PTPN9: variants seen among roughly 807,000 people sequenced by gnomAD.
The protein encoded by PTPN9 is tyrosine-protein phosphatase non-receptor type 9.
In PTPN9, 26 loss-of-function variants were observed where a neutral mutation model predicts 69.8. The observed-to-expected ratio is 0.37, with a 90% CI of 0.27 to 0.52. PTPN9 has a LOEUF of 0.52. Among genes scored for constraint, PTPN9 ranks in the 20% least tolerant of loss-of-function variants. PTPN9 has a pLI of 0.91. For synonymous variants in PTPN9, 274 were observed against 272.5 expected, an observed-to-expected ratio of 1.01 and a Z score of -0.05; for missense variants, 549 against 740.3, an observed-to-expected ratio of 0.74 and a Z score of 3.00.
chr15:75,559,821 A>G (rs551633768), intron 1 of PTPN9, among the ~76,000 whole-genome samples: 1 of 151,802 alleles, frequency 6.6e-6, no homozygotes, highest in East Asian at 1.9e-4. Context: ...TGAAGAAAAG[A>G]AAAAAATGAA....
chr15:75,557,858 A>T (rs2075084129), intron 1 of PTPN9, among the ~76,000 whole-genome samples: 1 of 152,198 alleles, frequency 6.6e-6, no homozygotes, highest in Non-Finnish European at 1.5e-5. Context: ...TTTCTTGAAA[A>T]ATCACCTCCA....
chr15:75,563,610 C>T (rs1441504533), intron 1 of PTPN9, among the ~76,000 whole-genome samples: 1 of 152,068 alleles, frequency 6.6e-6, no homozygotes, highest in Non-Finnish European at 1.5e-5. Flanking sequence ...TGTATATGTA[C>T]CACATTTTCT....
rs1183523821 is a variant in PTPN9, at chr15:75,504,678, G to A, written c.968+997C>T. Reference sequence around the variant, plus strand: ...CCCCGCCCGGCCAGCCGCCCTGTCCGGGAGGGAGGTGGGGGGGTCAGCCCC... The same window carrying A: ...CCCCGCCCGGCCAGCCGCCCTGTCCAGGAGGGAGGTGGGGGGGTCAGCCCC... On this transcript the variant is annotated intron_variant, in intron 7 of 12. Transcript: ENST00000618819. Among the ~76,000 whole-genome samples, 8 of 146,702 alleles carry A rather than the reference G, an allele frequency of 5.5e-5. No homozygotes were observed. The South Asian group carries it at 1.5e-3, about 28-fold the overall frequency.
chr15:75,487,472 A>C (rs1223623586), intron 8 of PTPN9: 2 of 152,232 alleles, frequency 1.3e-5, no homozygotes, highest in Non-Finnish European at 2.9e-5. Context: ...CCACAGGATG[A>C]TTAGAAGAAT....
intron 8 of PTPN9, among the ~76,000 whole-genome samples, chr15:75,485,544 A>AT (rs1288056979): frequency 1.4e-5 from 2 of 146,090 alleles, no homozygotes; most frequent in Non-Finnish European, 1.5e-5. Context: ...AATTTTTTGT[A>AT]TTTTTTTAGT....
chr15:75,576,004 C>T (rs998373568), intron 1 of PTPN9, among the ~76,000 whole-genome samples: 4 of 150,966 alleles, frequency 2.6e-5, no homozygotes, highest in Non-Finnish European at 5.9e-5. Flanking sequence ...GAGGCCAAGG[C>T]GGGTGGATCA....
At chr15:75,573,322 AGATACTGTTAC>A (rs1219898527) in intron 1 of PTPN9, among the ~76,000 whole-genome samples, 1 of 152,238 alleles carries the variant, frequency 6.6e-6, no homozygotes, top group African/African-American at 2.4e-5. Context: ...AGTTTAGAAA[AGATACTGTTAC>A]GATTGTTATT....
chr15:75,523,459 GA>G (rs996563090), intron 3 of PTPN9, among the ~76,000 whole-genome samples: 5 of 148,296 alleles, frequency 3.4e-5, no homozygotes, highest in Admixed American at 1.3e-4. Context: ...TCTGTGGTAA[GA>G]AAAAAAAAAC....
intron 1 of PTPN9, among the ~76,000 whole-genome samples, chr15:75,571,838 A>AT (rs993541774): frequency 6.6e-6 from 1 of 152,006 alleles, no homozygotes; most frequent in Admixed American, 6.6e-5. Context: ...AGGTTGTGCC[A>AT]TTGTGCTCCA....
chr15:75,534,472 G>A (rs1202071703), intron 1 of PTPN9, among the ~76,000 whole-genome samples: 1 of 152,058 alleles, frequency 6.6e-6, no homozygotes, highest in Admixed American at 6.6e-5. Flanking sequence ...CCAGGAGTTA[G>A]AGACCAGCCT....
intron 10 of PTPN9, among the ~76,000 whole-genome samples, chr15:75,472,496 T>A (rs1260225092): frequency 1.4e-5 from 2 of 147,832 alleles, no homozygotes; most frequent in Non-Finnish European, 3.0e-5. Flanking sequence ...AAAATAAAAA[T>A]AAAATAAAAT....
intron 1 of PTPN9, among the ~76,000 whole-genome samples, chr15:75,561,291 G>A (rs2075103203): frequency 6.6e-6 from 1 of 151,694 alleles, no homozygotes; most frequent in Non-Finnish European, 1.5e-5. Flanking sequence ...CTCCAGCCTG[G>A]GCAACAAGAA....
chr15:75,570,604 A>T (rs1212331733), intron 1 of PTPN9, among the ~76,000 whole-genome samples: 1 of 151,566 alleles, frequency 6.6e-6, no homozygotes, highest in African/African-American at 2.4e-5. Context: ...ACCCCCCTCT[A>T]CAAAAAATAT....
At chr15:75,533,198 T>C (rs1255242798) in intron 1 of PTPN9, among the ~76,000 whole-genome samples, 2 of 152,206 alleles carry the variant, frequency 1.3e-5, no homozygotes, top group African/African-American at 4.8e-5. Flanking sequence ...TGAATTGATA[T>C]ATGGAGAAAC....
chr15:75,526,601 AAAGT>A (rs1428496472), intron 2 of PTPN9, among the ~76,000 whole-genome samples: 1 of 152,196 alleles, frequency 6.6e-6, no homozygotes, highest in Non-Finnish European at 1.5e-5. Flanking sequence ...AAATCAAAAC[AAAGT>A]AAAATCCTGA....
At chr15:75,524,068 C>T (rs918362767) in intron 3 of PTPN9, 141 bp downstream of exon 3, 2 of 334,972 alleles carry the variant, frequency 6.0e-6, no homozygotes, top group African/African-American at 4.4e-5. Context: ...AACAAACCTG[C>T]ACGTTGTGCA....
intron 1 of PTPN9, among the ~76,000 whole-genome samples, chr15:75,545,342 T>C (rs565155030): frequency 1.3e-5 from 2 of 151,936 alleles, no homozygotes; most frequent in Admixed American, 1.3e-4. Flanking sequence ...CTGAGATGAG[T>C]AGAATGCTTG....
intron 1 of PTPN9, among the ~76,000 whole-genome samples, chr15:75,548,764 C>T (rs962342414): frequency 2.0e-5 from 3 of 151,066 alleles, no homozygotes; most frequent in Non-Finnish European, 2.9e-5. Flanking sequence ...CGCCATTCTC[C>T]TGCCTCAGCC....
In PTPN9 at chr15:75,470,810, C is replaced by CT; in HGVS notation, c.1228dup (p.Arg410LysfsTer34). The stretch of plus-strand genomic sequence containing the variant: ...TAAAGGCCAGTACTGGCCACACTTT[C>CT]TCCTGCCGCCTTCCTCAAAGCTGAA... On this transcript the variant is annotated frameshift_variant, in exon 11 of 13. Transcript: ENST00000618819. LOFTEE classifies it high-confidence loss of function. The CT allele has an allele frequency of 2.5e-6, 4 of 1,614,144 alleles. No individual in the cohort carries two copies. The highest frequency in any genetic ancestry group is 2.5e-6 in the Non-Finnish European group (3 of 1,180,020).
Sources: gnomAD v4.1 joint callset for allele counts (sites outside exome capture counted in the v4.1 genomes callset) on GRCh38, gnomAD v4.1.1 for gene constraint, MANE v1.5 for transcripts, NCBI Gene and HGNC (gene_info 2026-07-23, HGNC 2026-07-21) for gene names.